Variants in TGFBRAP1 observed in about 807,000 individuals in gnomAD.
TGFBRAP1 encodes transforming growth factor-beta receptor-associated protein 1.
In TGFBRAP1, 20 loss-of-function variants were observed where a neutral mutation model predicts 83.2. The ratio of observed to expected loss-of-function variants is 0.24; its 90% CI spans 0.17 to 0.35. TGFBRAP1 has a LOEUF of 0.35. TGFBRAP1 is among the 10% of genes least tolerant of loss of function. The pLI, the probability that TGFBRAP1 is intolerant of heterozygous loss-of-function variation, is 1.00. For missense variants in TGFBRAP1, 950 were observed against 1,099.4 expected (o/e 0.86, Z 1.92); for synonymous variants, 415 against 459.8 (o/e 0.90, Z 1.25).
intron 5 of TGFBRAP1, among the ~76,000 whole-genome samples, chr2:105,282,534 C>T (rs1677576978): frequency 6.6e-6 from 1 of 152,162 alleles, no homozygotes; most frequent in Admixed American, 6.5e-5. Flanking sequence ...CTTCAAATAT[C>T]AATTCTCAGG....
intron 10 of TGFBRAP1, among the ~76,000 whole-genome samples, chr2:105,271,787 C>A (rs1319373898): frequency 6.6e-6 from 1 of 152,160 alleles, no homozygotes; most frequent in Non-Finnish European, 1.5e-5. Context: ...TTATTTGTAA[C>A]CTCCCAATCA....
intron 11 of TGFBRAP1, chr2:105,267,995 C>T (rs1281142701): frequency 1.6e-6 from 1 of 614,198 alleles, no homozygotes. Context: ...CAAAGTTACA[C>T]AGCTAACAAG....
chr2:105,273,756 G>A, intron 8 of TGFBRAP1, 66 bp from the exon 9 acceptor site: 2 of 1,564,882 alleles, frequency 1.3e-6, no homozygotes, highest in African/African-American at 1.4e-5. Flanking sequence ...ACTTTATTTT[G>A]GTCATTGCAC....
intron 2 of TGFBRAP1, among the ~76,000 whole-genome samples, chr2:105,303,273 A>C (rs1385407224): frequency 6.6e-6 from 1 of 152,244 alleles, no homozygotes; most frequent in Non-Finnish European, 1.5e-5. Context: ...CTAAAAGAAT[A>C]AAATAAAATA....
At position 105,293,810 on chromosome 2, in the gene TGFBRAP1, T is replaced by C. The variant is rs1049841012; in HGVS notation, c.1038+2546A>G. On this transcript the variant is annotated intron_variant, in intron 4 of 11. Coordinates refer to ENST00000393359, the MANE Select transcript of TGFBRAP1 (RefSeq NM_004257.6). The stretch of plus-strand genomic sequence containing the variant: ...CCAGTTGGAAGCTCTGAATTACTCA[T>C]TCATTCTTTCCTTGGTATTAAAAGG... Among the ~76,000 whole-genome samples, 8 of 152,198 alleles carry C rather than the reference T, an allele frequency of 5.3e-5. No individual in the cohort carries two copies. In the East Asian group the frequency reaches 1.5e-3, roughly 29 times the overall value.
chr2:105,251,745 A>G, the TGFBRAP1 span, among the ~76,000 whole-genome samples: 16 of 152,004 alleles, frequency 1.1e-4, no homozygotes, highest in East Asian at 3.9e-4. Flanking sequence ...GATGGTTGCC[A>G]TGTCTGTGTA....
At chr2:105,323,471 G>A (rs1679126727) in intron 1 of TGFBRAP1, among the ~76,000 whole-genome samples, 3 of 152,182 alleles carry the variant, frequency 2.0e-5, no homozygotes, top group Admixed American at 2.0e-4. Context: ...CATATCGTGG[G>A]TATTGAGCAG....
intron 1 of TGFBRAP1, among the ~76,000 whole-genome samples, chr2:105,323,002 G>C (rs1262948364): frequency 1.3e-5 from 2 of 152,182 alleles, no homozygotes; most frequent in Non-Finnish European, 2.9e-5. Flanking sequence ...AATTAGGAGA[G>C]AAAGCTAAAT....
downstream of TGFBRAP1, among the ~76,000 whole-genome samples, chr2:105,262,316 TGTTA>T (rs554274137): frequency 3.3e-5 from 5 of 152,270 alleles, no homozygotes; most frequent in East Asian, 9.7e-4. Context: ...GTTCTCACTC[TGTTA>T]GTTCACGTGA....
intron 11 of TGFBRAP1, among the ~76,000 whole-genome samples, chr2:105,268,777 A>T (rs183537429): frequency 6.6e-6 from 1 of 152,230 alleles, no homozygotes; most frequent in Non-Finnish European, 1.5e-5. Flanking sequence ...AGGTGAGTAC[A>T]GTGTGGGGAC....
intron 1 of TGFBRAP1, among the ~76,000 whole-genome samples, chr2:105,319,623 C>T (rs1678994669): frequency 1.4e-5 from 2 of 144,486 alleles, no homozygotes; most frequent in African/African-American, 5.1e-5. Context: ...ACCCAGGAGG[C>T]GGAGGTTGCA....
chr2:105,321,168 A>ATT (rs1201390115), intron 1 of TGFBRAP1, among the ~76,000 whole-genome samples: 1 of 150,154 alleles, frequency 6.7e-6, no homozygotes, highest in Non-Finnish European at 1.5e-5. Flanking sequence ...TTATTTATTT[A>ATT]TTTTTTTTTT....
chr2:105,278,629 G>A (rs1357321881), intron 6 of TGFBRAP1, among the ~76,000 whole-genome samples: 2 of 152,224 alleles, frequency 1.3e-5, no homozygotes, highest in Non-Finnish European at 2.9e-5. Flanking sequence ...TGCCTGGGCA[G>A]TGAGCCCTCA....
intron 1 of TGFBRAP1, among the ~76,000 whole-genome samples, chr2:105,316,420 A>AGTGT (rs71393002): frequency 0.038 from 4,168 of 108,774 alleles, 88 homozygotes; most frequent in East Asian, 0.09. Flanking sequence ...AGGTATAGGG[A>AGTGT]GTGTGTGTGT....
chr2:105,307,242 T>C (rs567236610), intron 2 of TGFBRAP1, among the ~76,000 whole-genome samples: 4 of 152,288 alleles, frequency 2.6e-5, no homozygotes, highest in African/African-American at 9.6e-5. Context: ...TCTCTCTCCA[T>C]ATAAATTCTC....
chr2:105,286,414 T>C (rs1677721962), intron 4 of TGFBRAP1, among the ~76,000 whole-genome samples: 1 of 152,234 alleles, frequency 6.6e-6, no homozygotes, highest in African/African-American at 2.4e-5. Flanking sequence ...TGCCTCCTCC[T>C]GCCCTCTGCT....
intron 4 of TGFBRAP1, among the ~76,000 whole-genome samples, chr2:105,295,821 A>G (rs1678070983): frequency 6.6e-6 from 1 of 151,932 alleles, no homozygotes; most frequent in African/African-American, 2.4e-5. Flanking sequence ...AAAAAAAAAA[A>G]AAAAAAAAAA....
At chr2:105,262,181 G>A (rs547599614), downstream of TGFBRAP1, among the ~76,000 whole-genome samples, 128 of 152,288 alleles carry the variant, frequency 8.4e-4, no homozygotes, top group African/African-American at 2.9e-3. Flanking sequence ...ATATGGTTTG[G>A]ATGCGTGTCG....
intron 5 of TGFBRAP1, among the ~76,000 whole-genome samples, chr2:105,283,846 G>A (rs1210045447): frequency 6.6e-6 from 1 of 152,186 alleles, no homozygotes; most frequent in Admixed American, 6.5e-5. Context: ...GAGCTGACCA[G>A]GAATAGAACA....
Sources: gnomAD v4.1 joint callset for allele counts (sites outside exome capture counted in the v4.1 genomes callset) on GRCh38, gnomAD v4.1.1 for gene constraint, MANE v1.5 for transcripts, NCBI Gene and HGNC (gene_info 2026-07-23, HGNC 2026-07-21) for gene names.